Variants in RASGEF1B observed in about 807,000 individuals in gnomAD.
The protein encoded by RASGEF1B is RasGEF domain family member 1B.
A neutral mutation model predicts 65.7 loss-of-function variants in RASGEF1B; 30 were observed. The observed-to-expected ratio is 0.46, with a 90% CI of 0.34 to 0.62. The LOEUF (loss-of-function observed/expected upper bound fraction) is 0.62. Among genes scored for constraint, RASGEF1B ranks in the 20% least tolerant of loss-of-function variants. The probability of loss-of-function intolerance (pLI) is 0.01; values close to 1 mark genes in which losing one functional copy is unlikely to be tolerated. For synonymous variants in RASGEF1B, 175 were observed against 194.8 expected (o/e 0.90, Z 0.85); for missense variants, 495 against 580.1 (o/e 0.85, Z 1.51).
chr4:81,445,516 A>C lies in RASGEF1B; in HGVS notation c.928+10T>G. On this transcript the variant is annotated intron_variant, in intron 8 of 13. Coordinates refer to ENST00000264400, the MANE Select transcript of RASGEF1B (RefSeq NM_152545.3). Reference sequence around the variant, plus strand: ...AGATAAACGACATGTATCCTCCACAAAATACTCACAGATTATCGCCATCAA... The same window carrying C: ...AGATAAACGACATGTATCCTCCACACAATACTCACAGATTATCGCCATCAA... 6.3e-7 allele frequency: 1 copy of C among 1,575,008 alleles called. No individual in the cohort carries two copies. Among genetic ancestry groups the C allele is most frequent in the Non-Finnish European group, 8.7e-7 (1 of 1,145,052 alleles).
intron 4 of RASGEF1B, among the ~76,000 whole-genome samples, chr4:81,450,305 C>G (rs1722207797): frequency 6.6e-6 from 1 of 152,008 alleles, no homozygotes; most frequent in Non-Finnish European, 1.5e-5. Context: ...ATCCCTTGAG[C>G]CCAGGAGATC....
chr4:81,458,284 T>A (rs1320431683), intron 2 of RASGEF1B, among the ~76,000 whole-genome samples: 1 of 152,260 alleles, frequency 6.6e-6, no homozygotes, highest in African/African-American at 2.4e-5. Context: ...TATAATAATT[T>A]CAGACTCCCA....
chr4:81,449,191 A>G (rs151262568), intron 4 of RASGEF1B, among the ~76,000 whole-genome samples: 166 of 152,282 alleles, frequency 1.1e-3, no homozygotes, highest in African/African-American at 3.8e-3. Flanking sequence ...TCTGACCTCC[A>G]CTGGGCTCAT....
intron 4 of RASGEF1B, chr4:81,454,760 T>C (rs1722385676): frequency 6.6e-6 from 1 of 152,152 alleles, no homozygotes; most frequent in African/African-American, 2.4e-5. Context: ...ATAATGGCTG[T>C]CTCGAGCACT....
intron 10 of RASGEF1B, among the ~76,000 whole-genome samples, chr4:81,440,063 T>C (rs958861751): frequency 4.1e-4 from 63 of 152,160 alleles, no homozygotes; most frequent in African/African-American, 1.2e-3. Flanking sequence ...GTGGAAGATA[T>C]AGTTTAAGTT....
chr4:81,446,328 G>A (rs1037103043), intron 6 of RASGEF1B, among the ~76,000 whole-genome samples: 8 of 152,212 alleles, frequency 5.3e-5, no homozygotes, highest in Non-Finnish European at 8.8e-5. Flanking sequence ...AACCGGGATC[G>A]TGCCACTGCA....
intron 1 of RASGEF1B, among the ~76,000 whole-genome samples, chr4:81,463,958 T>C (rs890280646): frequency 1.3e-5 from 2 of 152,190 alleles, no homozygotes; most frequent in African/African-American, 2.4e-5. Flanking sequence ...CTGGGCACTA[T>C]TAACTCCAGG....
At chr4:81,466,937 T>TGAA in intron 1 of RASGEF1B, among the ~76,000 whole-genome samples, 1 of 94,702 alleles carries the variant, frequency 1.1e-5, no homozygotes, top group African/African-American at 4.3e-5. Context: ...CTTACCTCCT[T>TGAA]AAAAAAAAAA....
intron 4 of RASGEF1B, chr4:81,450,836 C>T (rs557582569): frequency 1.8e-4 from 28 of 152,252 alleles, no homozygotes; most frequent in Admixed American, 1.8e-3. Context: ...GCACTCCAGC[C>T]TGGGTAACAA....
At chr4:81,440,745 A>G (rs1309830499) in intron 10 of RASGEF1B, 89 bp downstream of exon 10, 4 of 782,886 alleles carry the variant, frequency 5.1e-6, no homozygotes, top group African/African-American at 3.5e-5. Flanking sequence ...CTTAACAAGT[A>G]AAAAAACTTC....
chr4:81,452,560 T>G (rs1722300030), intron 4 of RASGEF1B: 1 of 152,210 alleles, frequency 6.6e-6, no homozygotes, highest in South Asian at 2.1e-4. Context: ...TGTGTGAGCA[T>G]GTGAGAGAGT....
intron 10 of RASGEF1B, among the ~76,000 whole-genome samples, chr4:81,435,774 C>CTT (rs34304493): frequency 0.067 from 6,125 of 91,486 alleles, 369 homozygotes; most frequent in Non-Finnish European, 0.094. Context: ...CGCGCCTGGC[C>CTT]TTTTTTTTTT....
At chr4:81,433,219 T>C (rs1018786138) in intron 12 of RASGEF1B, among the ~76,000 whole-genome samples, 1 of 148,700 alleles carries the variant, frequency 6.7e-6, no homozygotes, top group African/African-American at 2.6e-5. Flanking sequence ...ACAGAGTGAG[T>C]TGCTGTCTTA....
At chr4:81,442,795 T>C (rs1721886492) in intron 8 of RASGEF1B, among the ~76,000 whole-genome samples, 1 of 152,274 alleles carries the variant, frequency 6.6e-6, no homozygotes, top group Non-Finnish European at 1.5e-5. Flanking sequence ...TACAGTCACA[T>C]GTTAGAAATG....
intron 11 of RASGEF1B, 96 bp from the exon 12 acceptor site, chr4:81,434,059 T>TTTA: frequency 9.3e-7 from 1 of 1,081,052 alleles, no homozygotes; most frequent in African/African-American, 1.6e-5. Context: ...TCCTTCTTAT[T>TTTA]TTATTAAGGA....
intron 7 of RASGEF1B, 25 bp from the exon 8 acceptor site, chr4:81,445,653 G>A: frequency 1.3e-6 from 2 of 1,589,564 alleles, no homozygotes; most frequent in Non-Finnish European, 1.7e-6. Context: ...ACAATAGAGG[G>A]CAGTTATCCA....
Position 81,427,296 on chromosome 4 carries a change from G to C in RASGEF1B, c.*472C>G, listed in dbSNP as rs897885288. On this transcript the variant is annotated 3_prime_UTR_variant, in exon 14 of 14. Transcript: ENST00000264400. ...TGAGCTAAGGTTTGGGATCTAAACGGGGGGGTTTTAGATCCCCTCCCTCCA... is the reference window on the plus strand; with the variant it reads ...TGAGCTAAGGTTTGGGATCTAAACGCGGGGGTTTTAGATCCCCTCCCTCCA... The C allele has an allele frequency of 1.9e-5, 3 of 155,976 alleles. No homozygotes were observed. The Admixed American group carries it at 1.9e-4, about 10-fold the overall frequency. The allele number at this position is 155,976 out of a possible 1,614,324, so 9.7% of individuals were successfully genotyped here.
rs1722105445 is a variant in RASGEF1B at position 81,448,135 on chromosome 4, T to C, written c.588A>G (p.Gln196=). 1 of 1,614,066 alleles carries C rather than the reference T, an allele frequency of 6.2e-7. No individual in the cohort carries two copies. ...CGTTGCAGACAGTAATGATATCCCT[T>C]TGTATAGACTGTGGCTTGGTCTTGA... ...TVLKTKPQSI[Q]RDIITVCNDP... The change falls in exon 5 of 14, where the codon CAA becomes CAG. Residue 196 remains glutamine (Q), a synonymous_variant. Transcript: ENST00000264400.
intron 8 of RASGEF1B, among the ~76,000 whole-genome samples, chr4:81,444,006 T>G (rs573602001): frequency 2.6e-5 from 4 of 152,228 alleles, no homozygotes; most frequent in Non-Finnish European, 5.9e-5. Context: ...TTGCTGCAAT[T>G]TAATTTGTAT....
Sources: allele counts gnomAD v4.1 joint callset (sites outside exome capture counted in the v4.1 genomes callset), GRCh38; gene constraint gnomAD v4.1.1; transcripts MANE v1.5; gene names NCBI Gene and HGNC (gene_info 2026-07-23, HGNC 2026-07-21).